The following MIA2 variants were observed in gnomAD, a reference collection of about 807,000 sequenced individuals.
The protein encoded by MIA2 is MIA SH3 domain ER export factor 2.
Under a neutral mutation model 167.8 loss-of-function variants are expected in MIA2, and 127 were observed. The ratio of observed to expected loss-of-function variants is 0.76; its 90% confidence interval spans 0.66 to 0.88. The LOEUF (loss-of-function observed/expected upper bound fraction) is 0.88, where lower values mean the gene tolerates loss of function less well. Ranked by LOEUF, MIA2 falls within the 40% of genes least tolerant of loss-of-function variation. MIA2 has a pLI of 0.00. For missense variants in MIA2, 1,690 were observed against 1,624.7 expected (o/e 1.04, Z -0.69); for synonymous variants, 552 against 541.9 (o/e 1.02, Z -0.26).
intron 23 of MIA2, among the ~76,000 whole-genome samples, chr14:39,378,598 A>G (rs1474180748): frequency 6.6e-6 from 1 of 152,240 alleles, no homozygotes; most frequent in East Asian, 1.9e-4. Context: ...TCTTTGGCAT[A>G]CAATAGTTTT....
intron 25 of MIA2, among the ~76,000 whole-genome samples, chr14:39,336,370 A>G (rs945784887): frequency 6.6e-6 from 1 of 152,210 alleles, no homozygotes; most frequent in Non-Finnish European, 1.5e-5. Flanking sequence ...ATTAGCAAGT[A>G]TACACCTAGT....
intron 25 of MIA2, among the ~76,000 whole-genome samples, chr14:39,343,147 C>T (rs1031651522): frequency 3.3e-5 from 5 of 151,996 alleles, no homozygotes; most frequent in Non-Finnish European, 5.9e-5. Context: ...ATCTTATTTT[C>T]AATTTTTATT....
At chr14:39,274,431 C>CTTTTTTTTT (rs547198743) in intron 6 of MIA2, among the ~76,000 whole-genome samples, 6 of 136,968 alleles carry the variant, frequency 4.4e-5, no homozygotes, top group East Asian at 2.1e-4. Context: ...TTCTTTTTTT[C>CTTTTTTTTT]TTTTTTTTTT....
At chr14:39,330,153 A>T (rs531890223) in intron 25 of MIA2, among the ~76,000 whole-genome samples, 2 of 152,298 alleles carry the variant, frequency 1.3e-5, no homozygotes, top group Admixed American at 6.5e-5. Flanking sequence ...AGAACTTGTT[A>T]CTGATCTATT....
chr14:39,251,896 T>A (rs907645771), intron 4 of MIA2, among the ~76,000 whole-genome samples: 1 of 152,180 alleles, frequency 6.6e-6, no homozygotes, highest in African/African-American at 2.4e-5. Flanking sequence ...TTTTTTAAGA[T>A]ATTACACCTT....
intron 28 of MIA2, 118 bp from the exon 29 acceptor site, chr14:39,349,976 TTATC>T (rs1186038442): frequency 1.1e-5 from 5 of 463,770 alleles, no homozygotes; most frequent in East Asian, 3.3e-5. Context: ...GATCAAGTAA[TTATC>T]TAGTGTCAAT....
intron 25 of MIA2, among the ~76,000 whole-genome samples, chr14:39,345,056 TTTG>T (rs148540333): frequency 0.25 from 38,261 of 151,768 alleles, 5,798 homozygotes; most frequent in Non-Finnish European, 0.34. Context: ...TTCCATTTAG[TTTG>T]TTTTTTATTT....
At chr14:39,245,376 A>G (rs1332659215) in intron 3 of MIA2, among the ~76,000 whole-genome samples, 2 of 151,938 alleles carry the variant, frequency 1.3e-5, no homozygotes, top group Non-Finnish European at 2.9e-5. Context: ...ATAGCTGATG[A>G]GCTAAAAAGA....
At chr14:39,371,486 C>T (rs2074945518) in intron 23 of MIA2, among the ~76,000 whole-genome samples, 1 of 152,302 alleles carries the variant, frequency 6.6e-6, no homozygotes, top group South Asian at 2.1e-4. Context: ...GTTCAGGGTT[C>T]ATCGTGTGTC....
chr14:39,347,703 T>C lies in MIA2; in HGVS notation c.3779-10T>C, dbSNP rs2073611692. 6.2e-7 allele frequency: 1 copy of C among 1,612,636 alleles called. No individual in the cohort carries two copies. Among genetic ancestry groups the C allele is most frequent in the African/African-American group, 1.3e-5 (1 of 74,928 alleles). On this transcript the variant is annotated splice_polypyrimidine_tract_variant and intron_variant, in intron 26 of 28. Coordinates refer to ENST00000640607, the MANE Select transcript of MIA2 (RefSeq NM_001329214.4). ...TCATGTACTTTTCATGGTTTAACTT[T>C]TATGTCTAGATGGGTCAATGCCTTC...
chr14:39,334,040 A>T (rs2153026053), intron 25 of MIA2, among the ~76,000 whole-genome samples: 1 of 152,348 alleles, frequency 6.6e-6, no homozygotes, highest in East Asian at 1.9e-4. Flanking sequence ...ATGATGAGTG[A>T]GAAGGGCTAA....
At chr14:39,291,712 G>A (rs1320229556) in intron 10 of MIA2, among the ~76,000 whole-genome samples, 1 of 152,158 alleles carries the variant, frequency 6.6e-6, no homozygotes, top group Non-Finnish European at 1.5e-5. Context: ...TGAATGAGGA[G>A]TCTTGGAAGA....
intron 14 of MIA2, among the ~76,000 whole-genome samples, chr14:39,300,696 T>C (rs2062254877): frequency 6.8e-6 from 1 of 147,260 alleles, no homozygotes. Context: ...AGGGATAGCA[T>C]TAGGAGATAT....
In MIA2 at chr14:39,298,443, A is replaced by ATATATGT. The variant is rs1372100362; in HGVS notation, c.2497-1421_2497-1420insTATATGT. Reference sequence around the variant, plus strand: ...TATATATATATATATATATATATATAAAGATTAGTTTTTCATGTGTTCGGA... The same window carrying ATATATGT: ...TATATATATATATATATATATATATATATATGTAAGATTAGTTTTTCATGTGTTCGGA... On this transcript the variant is annotated intron_variant, in intron 13 of 28. Transcript: ENST00000640607. Among the ~76,000 whole-genome samples, 100 of 50,022 alleles carry ATATATGT rather than the reference A, an allele frequency of 2.0e-3. 16 individuals carry two copies. Among genetic ancestry groups the ATATATGT allele is most frequent in the South Asian group, 7.5e-3 (12 of 1,594 alleles). The allele number at this position is 50,022 out of a possible 152,430, so 32.8% of individuals were successfully genotyped here. A position where few individuals can be genotyped will look rare whatever the true frequency, so the allele number is the denominator to read the frequency against.
chr14:39,277,458 C>T (rs934648901), intron 7 of MIA2, among the ~76,000 whole-genome samples: 2 of 151,086 alleles, frequency 1.3e-5, no homozygotes, highest in African/African-American at 4.9e-5. Flanking sequence ...CCTGGGAAGT[C>T]GATGCTGCAG....
rs139323217 is a variant in MIA2, at chr14:39,368,526, A to T, written c.2249-18359A>T. On this transcript the variant is annotated intron_variant, in intron 23 of 23. Coordinates refer to the MIA2 transcript ENST00000341502. ...AGCAGGATTTTTGCAGAGGAGAGAC[A>T]TGATTTGGTGTACCGTGGCTGCCAC... Among the ~76,000 whole-genome samples the T allele has an allele frequency of 7.9e-3, 1,205 of 152,242 alleles. 9 individuals carry two copies. Among genetic ancestry groups the T allele is most frequent in the South Asian group, 0.024 (116 of 4,824 alleles).
chr14:39,313,926 A>AG (rs2064842166), intron 19 of MIA2, among the ~76,000 whole-genome samples: 1 of 152,238 alleles, frequency 6.6e-6, no homozygotes, highest in African/African-American at 2.4e-5. Context: ...GAAAATATAG[A>AG]GAAAAAAAGA....
intron 9 of MIA2, among the ~76,000 whole-genome samples, chr14:39,284,269 G>A (rs147273826): frequency 2.5e-4 from 38 of 152,166 alleles, no homozygotes; most frequent in Non-Finnish European, 3.8e-4. Flanking sequence ...ATTCTTTTGC[G>A]TGTGAAATCC....
intron 2 of MIA2, among the ~76,000 whole-genome samples, chr14:39,238,268 G>A (rs1006046549): frequency 4.0e-5 from 6 of 151,788 alleles, no homozygotes; most frequent in South Asian, 2.1e-4. Flanking sequence ...TACTTCCCGG[G>A]TTCAAGCTAT....
Sources: allele counts gnomAD v4.1 joint callset (sites outside exome capture counted in the v4.1 genomes callset), GRCh38; gene constraint gnomAD v4.1.1; transcripts MANE v1.5; gene names NCBI Gene and HGNC (gene_info 2026-07-23, HGNC 2026-07-21).